VTA1: variants seen among roughly 807,000 people sequenced by gnomAD.
VTA1 encodes the protein vacuolar protein sorting-associated protein VTA1 homolog.
A neutral mutation model predicts 36.9 loss-of-function variants in VTA1; 24 were observed. The observed-to-expected ratio is 0.65, with a 90% confidence interval of 0.47 to 0.91. The LOEUF is 0.91. VTA1 is among the 40% of genes least tolerant of loss of function. The probability of loss-of-function intolerance (pLI) is 0.00; values close to 1 mark genes in which losing one functional copy is unlikely to be tolerated. For missense variants in VTA1, 393 were observed against 377.2 expected (o/e 1.04, Z -0.35); for synonymous variants, 142 against 130.2 (o/e 1.09, Z -0.62).
At chr6:142,172,831 G>A (rs1775053131) in intron 4 of VTA1, among the ~76,000 whole-genome samples, 1 of 152,090 alleles carries the variant, frequency 6.6e-6, no homozygotes, top group African/African-American at 2.4e-5. Context: ...TAAGTCATAA[G>A]CCAGGTCAGA....
intron 4 of VTA1, among the ~76,000 whole-genome samples, chr6:142,180,397 T>C (rs1425620164): frequency 6.6e-6 from 1 of 152,186 alleles, no homozygotes; most frequent in Non-Finnish European, 1.5e-5. Flanking sequence ...TAAGAATCTG[T>C]ATAGGTCCAG....
chr6:142,189,153 A>G (rs1365000514), intron 4 of VTA1, among the ~76,000 whole-genome samples: 1 of 151,926 alleles, frequency 6.6e-6, no homozygotes, highest in African/African-American at 2.4e-5. Flanking sequence ...CTGGAAGGAC[A>G]CTCCTGTTTT....
At chr6:142,175,261 T>C (rs920048228) in intron 4 of VTA1, among the ~76,000 whole-genome samples, 1 of 152,066 alleles carries the variant, frequency 6.6e-6, no homozygotes, top group African/African-American at 2.4e-5. Context: ...GAACTTCTTA[T>C]TTCCTAACAC....
chr6:142,206,475 G>T (rs930582920), intron 7 of VTA1, among the ~76,000 whole-genome samples: 4 of 152,158 alleles, frequency 2.6e-5, no homozygotes, highest in African/African-American at 9.6e-5. Flanking sequence ...TGGAGATTTC[G>T]TGATCATGCA....
At chr6:142,179,208 C>T (rs1360159162) in intron 4 of VTA1, among the ~76,000 whole-genome samples, 5 of 152,000 alleles carry the variant, frequency 3.3e-5, no homozygotes, top group East Asian at 1.9e-4. Flanking sequence ...ACACGAATAA[C>T]GAGTGGCCAC....
chr6:142,215,398 G>A (rs572304781), intron 7 of VTA1, among the ~76,000 whole-genome samples: 33 of 151,218 alleles, frequency 2.2e-4, no homozygotes, highest in African/African-American at 8.0e-4. Flanking sequence ...CCGAGATCAT[G>A]CCACTGCACT....
At chr6:142,151,320 G>A (rs1778564415) in intron 1 of VTA1, among the ~76,000 whole-genome samples, 1 of 152,208 alleles carries the variant, frequency 6.6e-6, no homozygotes, top group East Asian at 1.9e-4. Context: ...TGTTAAAACC[G>A]GTCCTGTGTT....
At chr6:142,157,015 T>A (rs1407153235) in intron 1 of VTA1, among the ~76,000 whole-genome samples, 1 of 152,132 alleles carries the variant, frequency 6.6e-6, no homozygotes, top group Non-Finnish European at 1.5e-5. Flanking sequence ...AATACAAAAA[T>A]TAGCCGGGCG....
At chr6:142,200,396 T>C (rs1024843188) in intron 6 of VTA1, among the ~76,000 whole-genome samples, 2 of 151,990 alleles carry the variant, frequency 1.3e-5, no homozygotes, top group African/African-American at 4.8e-5. Flanking sequence ...TCAAGAGAAG[T>C]ATCACAACTG....
chr6:142,150,923 A>C (rs1778556040), intron 1 of VTA1, among the ~76,000 whole-genome samples: 1 of 152,102 alleles, frequency 6.6e-6, no homozygotes, highest in Non-Finnish European at 1.5e-5. Flanking sequence ...CAAAAAAAAA[A>C]AAAAAGCTAA....
intron 4 of VTA1, among the ~76,000 whole-genome samples, chr6:142,183,926 A>G (rs1029876109): frequency 6.6e-6 from 1 of 152,158 alleles, no homozygotes; most frequent in Non-Finnish European, 1.5e-5. Flanking sequence ...GCAGAAACTC[A>G]AATTGGTTTA....
chr6:142,202,587 A>G (rs915812573), intron 6 of VTA1, among the ~76,000 whole-genome samples: 1 of 151,994 alleles, frequency 6.6e-6, no homozygotes, highest in Non-Finnish European at 1.5e-5. Flanking sequence ...TATAGTATGC[A>G]GAACTTACTA....
intron 6 of VTA1, chr6:142,198,927 C>G (rs1775623706): frequency 5.3e-6 from 1 of 188,628 alleles, no homozygotes; most frequent in Non-Finnish European, 1.1e-5. Context: ...TTTCTTTTCC[C>G]CTCACTGTTG....
At chr6:142,155,591 G>A (rs747059885) in intron 1 of VTA1, among the ~76,000 whole-genome samples, 3 of 152,136 alleles carry the variant, frequency 2.0e-5, no homozygotes, top group East Asian at 1.9e-4. Flanking sequence ...TTTGTCTTCA[G>A]TGACCCCTCA....
At position 142,220,762 on chromosome 6, in the gene VTA1, A is replaced by G. The variant is rs141798711; in HGVS notation, c.*2119A>G. 6.6e-6 allele frequency: 1 copy of G among 152,082 alleles called. No individual in the cohort carries two copies. The highest frequency in any genetic ancestry group is 6.6e-5 in the Admixed American group (1 of 15,250). The allele number at this position is 152,082 out of a possible 1,614,324, so 9.4% of individuals were successfully genotyped here. ...TAAAATCTTAAAATAAAATTAGGAG[A>G]TGTGTTCTGATGTAACAGTAGGATT... is the stretch of plus-strand genomic sequence containing the variant. On this transcript the variant is annotated 3_prime_UTR_variant, in exon 8 of 8. Coordinates refer to ENST00000367630, the MANE Select transcript of VTA1 (RefSeq NM_016485.5).
At chr6:142,183,505 A>G (rs535077820) in intron 4 of VTA1, among the ~76,000 whole-genome samples, 1 of 152,176 alleles carries the variant, frequency 6.6e-6, no homozygotes, top group African/African-American at 2.4e-5. Flanking sequence ...AATTCATGCT[A>G]ATTCTTAAGT....
At chr6:142,213,947 T>G (rs1252750904) in intron 7 of VTA1, among the ~76,000 whole-genome samples, 1 of 152,212 alleles carries the variant, frequency 6.6e-6, no homozygotes, top group Non-Finnish European at 1.5e-5. Flanking sequence ...TCAACTCCTC[T>G]TTACTTATGC....
chr6:142,188,423 C>T (rs1582892939), intron 4 of VTA1, among the ~76,000 whole-genome samples: 2 of 151,808 alleles, frequency 1.3e-5, no homozygotes, highest in African/African-American at 2.4e-5. Flanking sequence ...CTGTGTTGGC[C>T]AGGCTGGTCT....
chr6:142,150,867 G>C (rs781496726), intron 1 of VTA1, among the ~76,000 whole-genome samples: 18 of 151,140 alleles, frequency 1.2e-4, no homozygotes, highest in Non-Finnish European at 2.4e-4. Flanking sequence ...AGCTGAGATC[G>C]TGCCATTGCA....
Sources: allele counts gnomAD v4.1 joint callset (sites outside exome capture counted in the v4.1 genomes callset), GRCh38; gene constraint gnomAD v4.1.1; transcripts MANE v1.5; gene names NCBI Gene and HGNC (gene_info 2026-07-23, HGNC 2026-07-21).